Variants in HCN1 observed in about 807,000 individuals in gnomAD.
HCN1 encodes the protein hyperpolarization activated cyclic nucleotide gated potassium channel 1.
Under a neutral mutation model 78.9 loss-of-function variants are expected in HCN1, and 13 were observed. The ratio of observed to expected loss-of-function variants is 0.16; its 90% CI spans 0.11 to 0.26. HCN1 has a LOEUF of 0.26. HCN1 is among the 10% of genes least tolerant of loss of function. The probability of loss-of-function intolerance (pLI) is 1.00; values close to 1 mark genes in which losing one functional copy is unlikely to be tolerated. For missense variants in HCN1, 810 were observed against 1,154.3 expected (o/e 0.70, Z 4.32); for synonymous variants, 552 against 455.5 (o/e 1.21, Z -2.70).
At chr5:45,459,611 A>T (rs534407645) in intron 3 of HCN1, among the ~76,000 whole-genome samples, 1 of 152,294 alleles carries the variant, frequency 6.6e-6, no homozygotes, top group East Asian at 1.9e-4. Flanking sequence ...AAATGTGTTT[A>T]TCATCAGATA....
chr5:45,659,177 C>A (rs1745861659), intron 1 of HCN1, among the ~76,000 whole-genome samples: 1 of 149,446 alleles, frequency 6.7e-6, no homozygotes, highest in Non-Finnish European at 1.5e-5. Context: ...CTGGGAGGCA[C>A]CCCCCAGCAG....
chr5:45,320,944 A>T (rs1746113709), intron 5 of HCN1, among the ~76,000 whole-genome samples: 1 of 151,886 alleles, frequency 6.6e-6, no homozygotes, highest in African/African-American at 2.4e-5. Flanking sequence ...TTCTTAAAGC[A>T]ATAGAATTTG....
intron 2 of HCN1, among the ~76,000 whole-genome samples, chr5:45,578,399 C>T (rs753711704): frequency 4.6e-5 from 7 of 151,798 alleles, no homozygotes; most frequent in Non-Finnish European, 8.8e-5. Flanking sequence ...CAACATGCAG[C>T]ACATATTGTT....
At chr5:45,503,121 C>T (rs534696724) in intron 2 of HCN1, among the ~76,000 whole-genome samples, 94 of 152,166 alleles carry the variant, frequency 6.2e-4, no homozygotes, top group African/African-American at 2.2e-3. Flanking sequence ...GGAAGGAGCA[C>T]GTGAATCAGA....
chr5:45,566,971 G>T (rs957083528), intron 2 of HCN1, among the ~76,000 whole-genome samples: 3 of 152,160 alleles, frequency 2.0e-5, no homozygotes, highest in African/African-American at 7.2e-5. Flanking sequence ...TATAGGTTAA[G>T]AAAATACACA....
At chr5:45,687,915 A>G (rs1430067589) in intron 1 of HCN1, among the ~76,000 whole-genome samples, 1 of 152,140 alleles carries the variant, frequency 6.6e-6, no homozygotes, top group African/African-American at 2.4e-5. Flanking sequence ...GCCTGGCTCC[A>G]AGCATCCTAA....
chr5:45,581,294 A>G, intron 2 of HCN1, among the ~76,000 whole-genome samples: 1 of 152,126 alleles, frequency 6.6e-6, no homozygotes, highest in Non-Finnish European at 1.5e-5. Context: ...ACCAGTGATG[A>G]TGAGCATTTG....
At chr5:45,300,473 T>A (rs1745590250) in intron 6 of HCN1, among the ~76,000 whole-genome samples, 1 of 152,086 alleles carries the variant, frequency 6.6e-6, no homozygotes, top group Non-Finnish European at 1.5e-5. Context: ...CTATTTATTA[T>A]GATGAATAGT....
At chr5:45,502,023 T>C (rs1742200917) in intron 2 of HCN1, among the ~76,000 whole-genome samples, 1 of 152,162 alleles carries the variant, frequency 6.6e-6, no homozygotes, top group Non-Finnish European at 1.5e-5. Flanking sequence ...AGGACAACTG[T>C]ACAAAAGATA....
At chr5:45,566,137 A>C (rs1187331294) in intron 2 of HCN1, among the ~76,000 whole-genome samples, 1 of 152,088 alleles carries the variant, frequency 6.6e-6, no homozygotes, top group Non-Finnish European at 1.5e-5. Context: ...TAATTACTGA[A>C]TTTTTCTCAT....
At chr5:45,467,750 A>G (rs1051961776) in intron 2 of HCN1, among the ~76,000 whole-genome samples, 3 of 152,126 alleles carry the variant, frequency 2.0e-5, no homozygotes. Context: ...TTCAAAAGGA[A>G]TACTCTTATA....
chr5:45,610,440 T>C (rs1380383694), intron 2 of HCN1, among the ~76,000 whole-genome samples: 1 of 151,448 alleles, frequency 6.6e-6, no homozygotes, highest in Non-Finnish European at 1.5e-5. Flanking sequence ...AGTATTTCAG[T>C]TTTATATATT....
chr5:45,473,716 C>T (rs1741455168), intron 2 of HCN1, among the ~76,000 whole-genome samples: 1 of 151,538 alleles, frequency 6.6e-6, no homozygotes, highest in Non-Finnish European at 1.5e-5. Flanking sequence ...ATTATGTTGA[C>T]CTGGTATTCC....
intron 3 of HCN1, among the ~76,000 whole-genome samples, chr5:45,459,930 A>G (rs1032504046): frequency 1.3e-5 from 2 of 152,130 alleles, no homozygotes; most frequent in East Asian, 3.9e-4. Flanking sequence ...CTTCAAAAAG[A>G]TAAGTAAAGT....
At chr5:45,644,260 A>G (rs16902196) in intron 2 of HCN1, 264 of 152,298 alleles carry the variant, frequency 1.7e-3, no homozygotes, top group African/African-American at 5.7e-3. Context: ...ATTAGTGTCG[A>G]TTTAGGCATT....
chr5:45,554,923 C>T (rs189743864), intron 2 of HCN1, among the ~76,000 whole-genome samples: 2 of 151,910 alleles, frequency 1.3e-5, no homozygotes, highest in Admixed American at 6.6e-5. Flanking sequence ...GGAGCTCAGG[C>T]ATAAAATGTA....
chr5:45,334,616 T>C (rs542958301), intron 5 of HCN1, among the ~76,000 whole-genome samples: 19 of 152,116 alleles, frequency 1.2e-4, no homozygotes, highest in African/African-American at 4.3e-4. Flanking sequence ...TACAATTTAC[T>C]TTCCCTGTCA....
intron 2 of HCN1, among the ~76,000 whole-genome samples, chr5:45,516,976 G>A (rs904846641): frequency 1.3e-5 from 2 of 152,048 alleles, no homozygotes; most frequent in South Asian, 2.1e-4. Context: ...GCAGAAGTCT[G>A]CAGACTCTAG....
intron 3 of HCN1, among the ~76,000 whole-genome samples, chr5:45,400,599 C>T (rs372415167): frequency 1.6e-4 from 24 of 151,894 alleles, no homozygotes; most frequent in East Asian, 1.6e-3. Flanking sequence ...CCATGTTGGT[C>T]GTACTGGTCT....
Sources: gnomAD v4.1 joint callset for allele counts (sites outside exome capture counted in the v4.1 genomes callset) on GRCh38, gnomAD v4.1.1 for gene constraint, MANE v1.5 for transcripts, NCBI Gene and HGNC (gene_info 2026-07-23, HGNC 2026-07-21) for gene names.